Variants in ZBTB20 observed in about 807,000 individuals in gnomAD.
ZBTB20 encodes zinc finger and BTB domain-containing protein 20.
Under a neutral mutation model 56.9 loss-of-function variants are expected in ZBTB20, and 9 were observed. The ratio of observed to expected loss-of-function variants is 0.16; its 90% CI spans 0.10 to 0.28. The LOEUF (loss-of-function observed/expected upper bound fraction) is 0.28. Among genes scored for constraint, ZBTB20 ranks in the 10% least tolerant of loss-of-function variants. The pLI, the probability that ZBTB20 is intolerant of heterozygous loss-of-function variation, is 1.00. For synonymous variants in ZBTB20, 417 were observed against 420.7 expected, an observed-to-expected ratio of 0.99 and a Z score of 0.11; for missense variants, 655 against 1,003.0, an observed-to-expected ratio of 0.65 and a Z score of 4.69.
chr3:115,031,630 A>T (rs186393885), intron 2 of ZBTB20, among the ~76,000 whole-genome samples: 2 of 151,612 alleles, frequency 1.3e-5, no homozygotes, highest in African/African-American at 4.8e-5. Context: ...ATTATCAGAC[A>T]GTCCATGCAA....
At chr3:114,824,781 T>C (rs1441049683) in intron 4 of ZBTB20, among the ~76,000 whole-genome samples, 1 of 151,892 alleles carries the variant, frequency 6.6e-6, no homozygotes, top group Admixed American at 6.6e-5. Context: ...AATAGCAATA[T>C]AGCAAGTATA....
chr3:114,829,347 T>C (rs766095615), intron 4 of ZBTB20, among the ~76,000 whole-genome samples: 9 of 151,868 alleles, frequency 5.9e-5, no homozygotes, highest in Admixed American at 1.3e-4. Context: ...GGAGAGGTCA[T>C]TTTCTCTCAA....
chr3:114,470,238 T>C (rs991296012), intron 7 of ZBTB20, among the ~76,000 whole-genome samples: 1 of 152,160 alleles, frequency 6.6e-6, no homozygotes, highest in African/African-American at 2.4e-5. Context: ...AAGACACTTT[T>C]ATACTACTAA....
At chr3:114,877,675 C>T (rs1167112524) in intron 4 of ZBTB20, among the ~76,000 whole-genome samples, 3 of 152,120 alleles carry the variant, frequency 2.0e-5, no homozygotes, top group African/African-American at 2.4e-5. Context: ...GTCAGGAAGA[C>T]GTAAGTCTTT....
chr3:114,525,670 A>T (rs1391172189), intron 6 of ZBTB20, among the ~76,000 whole-genome samples: 1 of 152,148 alleles, frequency 6.6e-6, no homozygotes, highest in African/African-American at 2.4e-5. Flanking sequence ...AAATAGGTTT[A>T]TTTTTGGCCT....
In ZBTB20 at chr3:115,071,256, G is replaced by C. The variant is rs2082399419; in HGVS notation, c.-544C>G. 1 of 152,086 alleles carries C rather than the reference G, an allele frequency of 6.6e-6. No homozygotes were observed. The highest frequency in any genetic ancestry group is 2.1e-4 in the South Asian group (1 of 4,818). The allele number at this position is 152,086 out of a possible 1,614,324, so 9.4% of individuals were successfully genotyped here. On this transcript the variant is annotated 5_prime_UTR_variant, in exon 2 of 12. It adds an upstream start codon to the 5' untranslated region. Coordinates refer to ENST00000675478, the MANE Select transcript of ZBTB20 (RefSeq NM_001348800.3). ...GACGGAGCAGAAATAGAGAATTCTT[G>C]ATTAACCAGGAGAAGAATATCATAG...
At chr3:115,146,268 G>C (rs1240151385) in intron 1 of ZBTB20, among the ~76,000 whole-genome samples, 1 of 151,842 alleles carries the variant, frequency 6.6e-6, no homozygotes, top group African/African-American at 2.4e-5. Context: ...TGTTTAGTTT[G>C]TGTGTGTGCC....
At chr3:114,428,097 G>A (rs1352352504) in intron 7 of ZBTB20, among the ~76,000 whole-genome samples, 2 of 152,010 alleles carry the variant, frequency 1.3e-5, no homozygotes, top group African/African-American at 4.8e-5. Context: ...TAATCCAAAG[G>A]GCACAATTTG....
intron 4 of ZBTB20, among the ~76,000 whole-genome samples, chr3:114,889,081 T>C (rs970248277): frequency 2.6e-5 from 4 of 152,102 alleles, no homozygotes; most frequent in South Asian, 2.1e-4. Flanking sequence ...AAGAAATATA[T>C]TTTGAAAATA....
intron 6 of ZBTB20, among the ~76,000 whole-genome samples, chr3:114,556,965 T>TGTCAATCC (rs2110242764): frequency 6.6e-6 from 1 of 152,102 alleles, no homozygotes; most frequent in South Asian, 2.1e-4. Flanking sequence ...CAGCCAGAAA[T>TGTCAATCC]GTCAATCCAA....
At chr3:114,968,980 A>G (rs1038221812) in intron 3 of ZBTB20, among the ~76,000 whole-genome samples, 6 of 152,192 alleles carry the variant, frequency 3.9e-5, no homozygotes, top group African/African-American at 1.4e-4. Context: ...AAGAAGGCAG[A>G]TCATTGAAGA....
At chr3:114,505,044 C>A (rs191041966) in intron 6 of ZBTB20, among the ~76,000 whole-genome samples, 2 of 152,258 alleles carry the variant, frequency 1.3e-5, no homozygotes, top group African/African-American at 4.8e-5. Context: ...TGGAAGCAGA[C>A]AGGTTTGGCT....
At chr3:114,373,189 C>T (rs991181501) in intron 10 of ZBTB20, among the ~76,000 whole-genome samples, 2 of 152,236 alleles carry the variant, frequency 1.3e-5, no homozygotes, top group African/African-American at 4.8e-5. Context: ...GCGGGGATTA[C>T]AGGCGTGAGC....
intron 6 of ZBTB20, among the ~76,000 whole-genome samples, chr3:114,504,705 G>C (rs55655946): frequency 0.26 from 40,179 of 152,006 alleles, 6,162 homozygotes; most frequent in African/African-American, 0.43. Flanking sequence ...CAATGTCCTG[G>C]CAGGCACCCT....
chr3:114,832,399 A>G (rs968494860), intron 4 of ZBTB20, among the ~76,000 whole-genome samples: 1 of 152,056 alleles, frequency 6.6e-6, no homozygotes, highest in African/African-American at 2.4e-5. Context: ...TACTCCTCAT[A>G]TACTTTATTG....
intron 6 of ZBTB20, among the ~76,000 whole-genome samples, chr3:114,585,033 T>C (rs1311392851): frequency 6.6e-6 from 1 of 151,976 alleles, no homozygotes; most frequent in African/African-American, 2.4e-5. Flanking sequence ...TAGGGGGCAA[T>C]AGGCAAGGCT....
At chr3:114,832,587 T>C (rs1213248361) in intron 4 of ZBTB20, among the ~76,000 whole-genome samples, 1 of 152,250 alleles carries the variant, frequency 6.6e-6, no homozygotes, top group South Asian at 2.1e-4. Context: ...CAATGCATTA[T>C]TCTATAAATA....
At chr3:114,889,347 G>A (rs1041143766) in intron 4 of ZBTB20, among the ~76,000 whole-genome samples, 2 of 151,886 alleles carry the variant, frequency 1.3e-5, no homozygotes, top group African/African-American at 4.8e-5. Context: ...CTTAAGAGTT[G>A]TGCATTAATT....
chr3:114,947,816 TAA>T (rs2076934228), intron 3 of ZBTB20, among the ~76,000 whole-genome samples: 2 of 145,180 alleles, frequency 1.4e-5, no homozygotes, highest in Admixed American at 1.3e-4. Context: ...AAAGATAAAA[TAA>T]AAAAGTCTTT....
Sources: gnomAD v4.1 joint callset for allele counts (sites outside exome capture counted in the v4.1 genomes callset) on GRCh38, gnomAD v4.1.1 for gene constraint, MANE v1.5 for transcripts, NCBI Gene and HGNC (gene_info 2026-07-23, HGNC 2026-07-21) for gene names.